The following AKT3 variants were observed in gnomAD, a reference collection of about 807,000 sequenced individuals.
AKT3 encodes AKT serine/threonine kinase 3.
Under a neutral mutation model 65.3 loss-of-function variants are expected in AKT3, and 15 were observed. That is an observed-to-expected ratio of 0.23 (90% CI 0.15 to 0.35). AKT3 has a LOEUF of 0.35. AKT3 is among the 10% of genes least tolerant of loss of function. The pLI, the probability that AKT3 is intolerant of heterozygous loss-of-function variation, is 1.00. For synonymous variants in AKT3, 206 were observed against 183.8 expected, an observed-to-expected ratio of 1.12 and a Z score of -0.98; for missense variants, 243 against 576.5, an observed-to-expected ratio of 0.42 and a Z score of 5.92.
intron 2 of AKT3, among the ~76,000 whole-genome samples, chr1:243,744,453 T>C (rs1688348108): frequency 6.6e-6 from 1 of 152,144 alleles, no homozygotes; most frequent in South Asian, 2.1e-4. Context: ...CCTTAAAAAA[T>C]TATTGGCCGG....
intron 4 of AKT3, 62 bp from the exon 5 acceptor site, chr1:243,646,099 T>A: frequency 7.2e-7 from 1 of 1,392,216 alleles, no homozygotes; most frequent in Non-Finnish European, 9.8e-7. Context: ...ATATTTTCCT[T>A]TTATAAACTA....
At chr1:243,597,631 G>A (rs1216208684) in intron 8 of AKT3, among the ~76,000 whole-genome samples, 1 of 152,146 alleles carries the variant, frequency 6.6e-6, no homozygotes, top group Non-Finnish European at 1.5e-5. Context: ...CTCTCGAGTA[G>A]CTGGGAGCAC....
chr1:243,690,144 A>G lies in AKT3; in HGVS notation c.172+5447T>C, dbSNP rs552735600. Among the ~76,000 whole-genome samples the G allele has an allele frequency of 1.4e-3, 208 of 152,246 alleles. 5 individuals are homozygous for G. In the South Asian group the frequency reaches 0.042, roughly 30 times the overall value. ...AATTCTAGGAGAGGCTTCTTAGGACACAGGCTGGCACTTCTCCCATCCCAC... is the reference window on the plus strand; with the variant it reads ...AATTCTAGGAGAGGCTTCTTAGGACGCAGGCTGGCACTTCTCCCATCCCAC... On this transcript the variant is annotated intron_variant, in intron 3 of 13. Transcript: ENST00000673466.
chr1:243,691,163 A>C (rs1684664992), intron 3 of AKT3, among the ~76,000 whole-genome samples: 1 of 152,350 alleles, frequency 6.6e-6, no homozygotes, highest in East Asian at 1.9e-4. Flanking sequence ...GGACCAAAGG[A>C]CATTCCAATC....
At chr1:243,747,714 T>C (rs1688560434) in intron 2 of AKT3, among the ~76,000 whole-genome samples, 1 of 152,148 alleles carries the variant, frequency 6.6e-6, no homozygotes, top group African/African-American at 2.4e-5. Context: ...ACATTGGGAA[T>C]TACCATAGAA....
intron 2 of AKT3, among the ~76,000 whole-genome samples, chr1:243,797,105 T>C (rs1184245792): frequency 6.6e-6 from 1 of 152,126 alleles, no homozygotes; most frequent in Non-Finnish European, 1.5e-5. Context: ...AACGTGCACT[T>C]ACAAATGGTT....
intron 2 of AKT3, among the ~76,000 whole-genome samples, chr1:243,841,371 T>C (rs541834284): frequency 1.3e-5 from 2 of 152,256 alleles, no homozygotes; most frequent in South Asian, 2.1e-4. Flanking sequence ...AACCATCTTG[T>C]GAAAGCAGAT....
intron 8 of AKT3, among the ~76,000 whole-genome samples, chr1:243,603,104 A>G (rs1445726898): frequency 6.6e-6 from 1 of 152,200 alleles, no homozygotes; most frequent in African/African-American, 2.4e-5. Context: ...AGGAATAAAA[A>G]GAGAGCTGCC....
intron 2 of AKT3, among the ~76,000 whole-genome samples, chr1:243,783,179 C>T (rs1008971900): frequency 1.4e-5 from 2 of 143,686 alleles, no homozygotes; most frequent in Non-Finnish European, 3.2e-5. Flanking sequence ...TAGATCGGTT[C>T]AGGATAATGG....
chr1:243,637,558 CACAT>C (rs1408287693), intron 6 of AKT3, 49 bp downstream of exon 6: 1 of 1,490,248 alleles, frequency 6.7e-7, no homozygotes. Flanking sequence ...AGCCCACAAA[CACAT>C]GCACACTGCA....
intron 6 of AKT3, among the ~76,000 whole-genome samples, chr1:243,627,573 C>T (rs184902677): frequency 5.9e-5 from 9 of 152,246 alleles, no homozygotes; most frequent in Non-Finnish European, 1.2e-4. Flanking sequence ...GACATTATGA[C>T]GGTATCAGAA....
At chr1:243,494,097 C>T (rs3006927) in intron 13 of AKT3, among the ~76,000 whole-genome samples, 127,856 of 152,204 alleles carry the variant, frequency 0.84, 53,907 homozygotes, top group Admixed American at 0.9. Flanking sequence ...AGACAGATGG[C>T]GCTTGAATAG....
intron 2 of AKT3, among the ~76,000 whole-genome samples, chr1:243,809,803 T>C (rs1219156903): frequency 6.6e-6 from 1 of 152,142 alleles, no homozygotes; most frequent in African/African-American, 2.4e-5. Flanking sequence ...CCTCAGCAAA[T>C]GTAAAAGAAC....
At chr1:243,724,511 T>C (rs572585148) in intron 2 of AKT3, among the ~76,000 whole-genome samples, 11 of 152,312 alleles carry the variant, frequency 7.2e-5, no homozygotes, top group South Asian at 2.1e-4. Flanking sequence ...ATAAGACTTA[T>C]GGTATCTTAA....
intron 2 of AKT3, among the ~76,000 whole-genome samples, chr1:243,738,009 C>T (rs1687941233): frequency 6.6e-6 from 1 of 152,180 alleles, no homozygotes. Context: ...GACTACATCC[C>T]TGGCCCAGAG....
At chr1:243,673,084 G>A (rs1012261982) in intron 3 of AKT3, among the ~76,000 whole-genome samples, 2 of 152,094 alleles carry the variant, frequency 1.3e-5, no homozygotes, top group African/African-American at 4.8e-5. Context: ...TAATAGCCAT[G>A]GGCTTTTTAA....
At position 243,708,579 on chromosome 1, in the gene AKT3, T is replaced by C. The variant is rs190252220; in HGVS notation, c.47-12863A>G. ...GCTGTTTTCAAATGTTTCCAGTGAC[T>C]TTGAAAGGAAAGATTTTCTTAAAAC... On this transcript the variant is annotated intron_variant, in intron 2 of 13. Transcript: ENST00000673466. 3.7e-4 allele frequency among the ~76,000 whole-genome samples: 57 copies of C among 152,066 alleles called. No individual in the cohort carries two copies. In the East Asian group the frequency reaches 8.1e-3, roughly 22 times the overall value.
chr1:243,664,053 G>C (rs772511634), intron 4 of AKT3, among the ~76,000 whole-genome samples: 5 of 151,994 alleles, frequency 3.3e-5, no homozygotes, highest in Non-Finnish European at 7.4e-5. Context: ...TAGTGCTCCA[G>C]ACAGCCACTT....
rs923478610 is a variant in AKT3, at chr1:243,756,922, G to C, written c.47-61206C>G. On this transcript the variant is annotated intron_variant, in intron 2 of 13. Transcript: ENST00000673466. Reference sequence around the variant, plus strand: ...ACAATAAGAACAAAACATCACTTTTGTGACATTGCTGCCAAAAATGTATAA... The same window carrying C: ...ACAATAAGAACAAAACATCACTTTTCTGACATTGCTGCCAAAAATGTATAA... Among the ~76,000 whole-genome samples, 3 of 152,172 alleles carry C rather than the reference G, an allele frequency of 2.0e-5. 1 individual carries two copies. In the East Asian group the frequency reaches 5.8e-4, roughly 29 times the overall value.
Sources: gnomAD v4.1 joint callset for allele counts (sites outside exome capture counted in the v4.1 genomes callset) on GRCh38, gnomAD v4.1.1 for gene constraint, MANE v1.5 for transcripts, NCBI Gene and HGNC (gene_info 2026-07-23, HGNC 2026-07-21) for gene names.